MVB12A: variants seen among roughly 807,000 people sequenced by gnomAD.
The protein encoded by MVB12A is multivesicular body subunit 12A.
In MVB12A, 30 loss-of-function variants were observed where a neutral mutation model predicts 34.3. The ratio of observed to expected loss-of-function variants is 0.88; its 90% CI spans 0.65 to 1.19. The LOEUF (loss-of-function observed/expected upper bound fraction) is 1.19. MVB12A is among the 50% of genes most tolerant of loss of function. MVB12A has a pLI of 0.00. For synonymous variants in MVB12A, 158 were observed against 158.9 expected, an observed-to-expected ratio of 0.99 and a Z score of 0.04; for missense variants, 355 against 369.2, an observed-to-expected ratio of 0.96 and a Z score of 0.31.
At chr19:17,408,900 A>G (rs1377659766) in intron 2 of MVB12A, among the ~76,000 whole-genome samples, 12 of 119,908 alleles carry the variant, frequency 1.0e-4, no homozygotes, top group Non-Finnish European at 1.8e-4. Context: ...TACGATCTCG[A>G]TCACTACAAC....
intron 2 of MVB12A, among the ~76,000 whole-genome samples, chr19:17,411,821 T>C (rs1049650315): frequency 5.9e-5 from 9 of 152,044 alleles, no homozygotes; most frequent in African/African-American, 2.2e-4. Flanking sequence ...GGAGCAAAGA[T>C]CATCCGCAAC....
In MVB12A at chr19:17,423,987, C is replaced by G; in HGVS notation, c.641-19C>G. The G allele has an allele frequency of 6.2e-7, 1 of 1,613,990 alleles. No homozygotes were observed. Among genetic ancestry groups the G allele is most frequent in the Non-Finnish European group, 8.5e-7 (1 of 1,179,870 alleles). On this transcript the variant is annotated intron_variant, in intron 6 of 8. Coordinates refer to ENST00000317040, the MANE Select transcript of MVB12A (RefSeq NM_138401.4). ...CAGTTCCCTACACCTCACCTCCTCC[C>G]CTCGCACGTGTTTTTCAGCCATGGA...
chr19:17,412,277 T>C (rs2074774276), intron 2 of MVB12A, among the ~76,000 whole-genome samples: 2 of 152,106 alleles, frequency 1.3e-5, no homozygotes, highest in Admixed American at 1.3e-4. Context: ...TCTCTCTCTT[T>C]CTTTTTTGAG....
At chr19:17,419,977 C>A (rs950450306), upstream of MVB12A, 1 of 424,106 alleles carries the variant, frequency 2.4e-6, no homozygotes, top group Non-Finnish European at 4.0e-6. Flanking sequence ...GCCAGCAGCT[C>A]CTCGGGCACG....
At chr19:17,410,496 T>TTATATATGTGTGTGTATATATATATA (rs1568387298) in intron 2 of MVB12A, among the ~76,000 whole-genome samples, 2 of 31,514 alleles carry the variant, frequency 6.3e-5, no homozygotes, top group Admixed American at 4.4e-4. Context: ...GGTTTTAGCT[T>TTATATATGTGTGTGTATATATATATA]CATATATATA....
upstream of MVB12A, chr19:17,417,000 T>C: frequency 3.2e-6 from 1 of 310,724 alleles, no homozygotes; most frequent in South Asian, 2.7e-5. Context: ...GCATAGAAAG[T>C]TTTTCTCATC....
intron 2 of MVB12A, chr19:17,413,341 T>C (rs1249961707): frequency 1.3e-5 from 2 of 151,844 alleles, no homozygotes; most frequent in South Asian, 2.1e-4. Flanking sequence ...CAACAAAACA[T>C]TTAAAAATTA....
Position 17,420,086 on chromosome 19 carries a change from A to G in MVB12A, c.-50A>G, listed in dbSNP as rs1269217484. ...AGCGCTGCCGTCGGGAGGCGCTCCGAGGTTCGAGGCTGTGCCCCGCGACCC... is the reference window on the plus strand; with the variant it reads ...AGCGCTGCCGTCGGGAGGCGCTCCGGGGTTCGAGGCTGTGCCCCGCGACCC... On this transcript the variant is annotated 5_prime_UTR_variant, in exon 1 of 9. Transcript: ENST00000317040. 34 of 1,171,142 alleles carry G rather than the reference A, an allele frequency of 2.9e-5. No individual in the cohort carries two copies. Among genetic ancestry groups the G allele is most frequent in the Non-Finnish European group, 3.3e-5 (31 of 945,528 alleles). The allele number at this position is 1,171,142 out of a possible 1,614,324, so 72.5% of individuals were successfully genotyped here.
At chr19:17,409,916 G>A (rs969221914) in intron 2 of MVB12A, among the ~76,000 whole-genome samples, 2 of 151,468 alleles carry the variant, frequency 1.3e-5, no homozygotes, top group Non-Finnish European at 2.9e-5. Context: ...CCGCCACCAC[G>A]CCCAGCTAAT....
At chr19:17,415,520 A>AC (rs1460875119), upstream of MVB12A, 2 of 152,380 alleles carry the variant, frequency 1.3e-5, no homozygotes, top group African/African-American at 4.8e-5. Flanking sequence ...TTTTTTTGTA[A>AC]CCATTTGTCT....
intron 8 of MVB12A, 74 bp downstream of exon 8, chr19:17,424,751 C>T: frequency 1.1e-5 from 17 of 1,527,104 alleles, no homozygotes; most frequent in South Asian, 6.2e-5. Context: ...ACCCGCCCCT[C>T]GTCCGCCCCA....
upstream of MVB12A, among the ~76,000 whole-genome samples, chr19:17,416,427 T>C (rs2145756919): frequency 6.6e-6 from 1 of 150,744 alleles, no homozygotes; most frequent in Non-Finnish European, 1.5e-5. Flanking sequence ...TTTTTTTTTT[T>C]TTCCTTGAGA....
In MVB12A at chr19:17,420,135, G is replaced by T. The variant is rs761152117; in HGVS notation, c.-1G>T. ...CCCGCCTTCGGCGCTCGGCTCGCAG[G>T]ATGGATCCCGTACCCGGGACAGACT... On this transcript the variant is annotated 5_prime_UTR_variant, in exon 1 of 9. Coordinates refer to ENST00000317040, the MANE Select transcript of MVB12A (RefSeq NM_138401.4). 7 of 1,351,268 alleles carry T rather than the reference G, an allele frequency of 5.2e-6. No homozygotes were observed. The highest frequency in any genetic ancestry group is 6.6e-6 in the Non-Finnish European group (7 of 1,056,480). The allele number at this position is 1,351,268 out of a possible 1,614,324, so 83.7% of individuals were successfully genotyped here.
At position 17,411,245 on chromosome 19, in the gene MVB12A, C is replaced by G. The variant is rs544060003; in HGVS notation, c.-5+4949C>G. Among the ~76,000 whole-genome samples, 499 of 152,082 alleles carry G rather than the reference C, an allele frequency of 3.3e-3. 3 individuals carry two copies. In the Middle Eastern group the frequency reaches 0.041, roughly 12 times the overall value. ...CCTCCCAAAGTTCTGGGATTACAGG[C>G]GTGAGCCACCGTGCCCGGCCAACAT... On this transcript the variant is annotated intron_variant, in intron 2 of 6. Coordinates refer to the MVB12A transcript ENST00000528604.
In MVB12A at chr19:17,420,360, C is replaced by G. The variant is rs1205733461; in HGVS notation, c.138C>G (p.Phe46Leu). Residue 46 changes from phenylalanine (F) to leucine (L), a missense_variant, in exon 2 of 9, where the codon TTC becomes TTG. Coordinates refer to ENST00000317040, the MANE Select transcript of MVB12A (RefSeq NM_138401.4). ...CACCCGCCAGCTTTGGCAAGAGCTT[C>G]GCGCAGAAATCTGGCTACTTCCTGT... is the stretch of plus-strand genomic sequence containing the variant. ...EGAPASFGKSFAQKSGYFLCL... is the reference protein window; with the variant it reads ...EGAPASFGKSLAQKSGYFLCL... 1 of 1,613,452 alleles carries G rather than the reference C, an allele frequency of 6.2e-7. No homozygotes were observed.
At chr19:17,407,114 C>T (rs2145748211) in intron 2 of MVB12A, among the ~76,000 whole-genome samples, 1 of 152,264 alleles carries the variant, frequency 6.6e-6, no homozygotes, top group African/African-American at 2.4e-5. Context: ...AATTTCCTCT[C>T]TTAGCATTGA....
At chr19:17,410,523 T>TACACACACACACAC (rs2074759302) in intron 2 of MVB12A, among the ~76,000 whole-genome samples, 2 of 71,594 alleles carry the variant, frequency 2.8e-5, no homozygotes, top group African/African-American at 1.3e-4. Flanking sequence ...TATATATATA[T>TACACACACACACAC]ATATATACAC....
At chr19:17,421,181 CTT>C (rs10679842) in intron 3 of MVB12A, 157 of 308,972 alleles carry the variant, frequency 5.1e-4, no homozygotes, top group East Asian at 2.8e-3. Context: ...GTTGGCAAAC[CTT>C]TTTTTTTTTT....
upstream of MVB12A, chr19:17,420,012 T>TCCC (rs1652765104): frequency 1.0e-5 from 3 of 297,650 alleles, no homozygotes; most frequent in South Asian, 1.1e-4. Flanking sequence ...CCGGGCAATC[T>TCCC]CCGCCCCCCC....
Sources: gnomAD v4.1 joint callset for allele counts (sites outside exome capture counted in the v4.1 genomes callset) on GRCh38, gnomAD v4.1.1 for gene constraint, MANE v1.5 for transcripts, NCBI Gene and HGNC (gene_info 2026-07-23, HGNC 2026-07-21) for gene names.